The following SPATA6L variants were observed in gnomAD, a reference collection of about 807,000 sequenced individuals.
SPATA6L encodes spermatogenesis associated 6 like.
Under a neutral mutation model 49.2 loss-of-function variants are expected in SPATA6L, and 68 were observed. The ratio of observed to expected loss-of-function variants is 1.38; its 90% CI spans 1.14 to 1.69. The LOEUF (loss-of-function observed/expected upper bound fraction) is 1.69, where lower values mean the gene tolerates loss of function less well. SPATA6L is among the 40% of genes most tolerant of loss of function. The pLI is 0.00. For missense variants in SPATA6L, 668 were observed against 464.3 expected, an observed-to-expected ratio of 1.44 and a Z score of -4.03; for synonymous variants, 198 against 165.7, an observed-to-expected ratio of 1.19 and a Z score of -1.50.
rs1839931498 is a variant in SPATA6L, at chr9:4,662,124, TACAG to T, written c.40-92_40-89del. On this transcript the variant is annotated intron_variant, in intron 1 of 11. Coordinates refer to ENST00000682582, the MANE Select transcript of SPATA6L (RefSeq NM_001353486.2). This position sits in a 1 kb window ranked among gnomAD's most constrained non-coding sequence, Gnocchi z 4.9. ...CGGGGCTCTATTTCTCTTAAGCTCC[TACAG>T]ACACTGACATTTTCCCCATCACCTC... 6.5e-7 allele frequency: 1 copy of T among 1,527,384 alleles called. No homozygotes were observed. The highest frequency in any genetic ancestry group is 1.4e-5 in the African/African-American group (1 of 72,226). The allele number at this position is 1,527,384 out of a possible 1,614,324, so 94.6% of individuals were successfully genotyped here.
intron 7 of SPATA6L, 148 bp from the exon 8 acceptor site, chr9:4,619,046 A>G (rs903621594): frequency 1.3e-5 from 9 of 680,568 alleles, no homozygotes; most frequent in Non-Finnish European, 7.5e-6. Context: ...AAGTTACACT[A>G]TCACTTTTAA....
At chr9:4,614,371 T>C (rs917900265) in intron 9 of SPATA6L, among the ~76,000 whole-genome samples, 1 of 152,164 alleles carries the variant, frequency 6.6e-6, no homozygotes, top group Non-Finnish European at 1.5e-5. Context: ...GACTTCAGTA[T>C]TAAGTTAGCA....
At chr9:4,652,518 C>T (rs1039575228) in intron 3 of SPATA6L, among the ~76,000 whole-genome samples, 1 of 152,030 alleles carries the variant, frequency 6.6e-6, no homozygotes, top group South Asian at 2.1e-4. Context: ...CCAAAAAATG[C>T]AACACTTGTA....
In SPATA6L at chr9:4,606,784, G is replaced by C. The variant is rs369520046; in HGVS notation, c.996-1344C>G. 6.4e-4 allele frequency among the ~76,000 whole-genome samples: 94 copies of C among 147,366 alleles called. 5 individuals are homozygous for C. Among genetic ancestry groups the C allele is most frequent in the South Asian group, 3.0e-3 (14 of 4,632 alleles). Reference sequence around the variant, plus strand: ...AGTTCCTCACCAGCAATGGAACAAAGCTGGACGGAGAACGACTTCGACGAG... The same window carrying C: ...AGTTCCTCACCAGCAATGGAACAAACCTGGACGGAGAACGACTTCGACGAG... On this transcript the variant is annotated intron_variant, in intron 9 of 11. Transcript: ENST00000682582.
intron 3 of SPATA6L, among the ~76,000 whole-genome samples, chr9:4,645,686 T>C (rs1025528913): frequency 1.3e-5 from 2 of 152,192 alleles, no homozygotes; most frequent in African/African-American, 4.8e-5. Flanking sequence ...ATCTGATACA[T>C]GCTACAACAT....
intron 3 of SPATA6L, among the ~76,000 whole-genome samples, chr9:4,645,928 T>C (rs1463026574): frequency 6.6e-6 from 1 of 152,216 alleles, no homozygotes; most frequent in African/African-American, 2.4e-5. Context: ...TGTCCAATCT[T>C]ATGAACATAC....
At chr9:4,646,553 A>G (rs1011227190) in intron 3 of SPATA6L, 3 of 1,444,348 alleles carry the variant, frequency 2.1e-6, no homozygotes, top group Non-Finnish European at 1.8e-6. Context: ...ATGAGATTTT[A>G]ATACTTCCAA....
At chr9:4,589,252 T>C (rs1386493837) in intron 13 of SPATA6L, among the ~76,000 whole-genome samples, 1 of 152,222 alleles carries the variant, frequency 6.6e-6, no homozygotes, top group African/African-American at 2.4e-5. Flanking sequence ...TTACAGACTA[T>C]GTCTAACGAA....
At position 4,661,929 on chromosome 9, in the gene SPATA6L, A is replaced by G. The variant is rs1563739995; in HGVS notation, c.147T>C (p.Ile49=). 2 of 1,613,978 alleles carry G rather than the reference A, an allele frequency of 1.2e-6. No individual in the cohort carries two copies. Among genetic ancestry groups the G allele is most frequent in the South Asian group, 1.1e-5 (1 of 91,052 alleles). The part of the protein sequence containing the change: ...ETNSFPSAFP[I]MIQESMRFEK... ...CAAATCTCATGCTCTCCTGAATCATAATGGGGAACGCAGAGGGAAAGCTGT... is the reference window on the plus strand; with the variant it reads ...CAAATCTCATGCTCTCCTGAATCATGATGGGGAACGCAGAGGGAAAGCTGT... The change falls in exon 2 of 12, where the codon ATT becomes ATC. Residue 49 remains isoleucine, a synonymous_variant. Coordinates refer to ENST00000682582, the MANE Select transcript of SPATA6L (RefSeq NM_001353486.2).
chr9:4,635,330 G>C lies in SPATA6L; in HGVS notation c.296C>G (p.Pro99Arg). The C allele has an allele frequency of 6.3e-7, 1 of 1,590,340 alleles. No individual in the cohort carries two copies. Among genetic ancestry groups the C allele is most frequent in the Non-Finnish European group, 8.5e-7 (1 of 1,171,650 alleles). ...DFLFPEPKLT[P>R]SHPRRCREVL... The stretch of plus-strand genomic sequence containing the variant: ...CTCCCTACACCTCCTAGGGTGCGAA[G>C]GTGTCAGCTTGGGCTCTGGGAAAAG... Residue 99 changes from proline to arginine, a missense_variant, in exon 4 of 12, where the codon CCT (proline) becomes CGT (arginine). By Grantham distance (103) the Pro-to-Arg change is moderately radical. Transcript: ENST00000682582.
intron 1 of SPATA6L, chr9:4,664,796 AGAGT>A (rs1840619692): frequency 6.0e-6 from 1 of 167,126 alleles, no homozygotes; most frequent in Admixed American, 6.5e-5. Flanking sequence ...GAGCTTGTTC[AGAGT>A]GAGGGGCATA....
intron 6 of SPATA6L, among the ~76,000 whole-genome samples, chr9:4,622,934 C>T (rs1033056031): frequency 2.0e-5 from 3 of 151,984 alleles, no homozygotes; most frequent in Non-Finnish European, 4.4e-5. Flanking sequence ...GATGACATTT[C>T]TACTTTCCAC....
intron 9 of SPATA6L, among the ~76,000 whole-genome samples, chr9:4,613,706 C>A (rs897911029): frequency 6.6e-6 from 1 of 152,068 alleles, no homozygotes; most frequent in Admixed American, 6.5e-5. Flanking sequence ...GCCTCAACCT[C>A]CCAAGTAGCT....
intron 13 of SPATA6L, among the ~76,000 whole-genome samples, chr9:4,593,212 A>G (rs1822017818): frequency 1.3e-5 from 2 of 152,248 alleles, no homozygotes; most frequent in Admixed American, 6.5e-5. Flanking sequence ...GCATGACAGT[A>G]TCCAATCGTC....
chr9:4,604,290 G>T, intron 10 of SPATA6L, 21 bp from the exon 11 acceptor site: 1 of 1,501,714 alleles, frequency 6.7e-7, no homozygotes, highest in Non-Finnish European at 9.3e-7. Flanking sequence ...AACAAATCCA[G>T]CAATTATGTT....
intron 5 of SPATA6L, chr9:4,627,784 C>T: frequency 7.8e-7 from 1 of 1,289,376 alleles, no homozygotes; most frequent in Non-Finnish European, 1.0e-6. Context: ...ATCCGAGCAT[C>T]AGCCTCAGCA....
intron 4 of SPATA6L, among the ~76,000 whole-genome samples, chr9:4,630,582 C>T (rs541175729): frequency 6.6e-6 from 1 of 152,326 alleles, no homozygotes; most frequent in African/African-American, 2.4e-5. Context: ...CTCTCAATGT[C>T]TGATCTCACT....
chr9:4,623,858 C>G (rs879394603), intron 6 of SPATA6L, among the ~76,000 whole-genome samples: 1 of 152,218 alleles, frequency 6.6e-6, no homozygotes, highest in East Asian at 1.9e-4. Flanking sequence ...TAAATGAAGT[C>G]AATTCGATAT....
rs4742022 is a variant in SPATA6L at position 4,625,429 on chromosome 9, T to C, written c.567A>G (p.Gln189=). The C allele has an allele frequency of 0.073, 117,193 of 1,614,002 alleles. 6,684 individuals are homozygous for C. The highest frequency in any genetic ancestry group is 0.35 in the East Asian group (15,734 of 44,864). Residue 189 remains glutamine, a synonymous_variant, in exon 6 of 12, where the codon CAA becomes CAG. Coordinates refer to ENST00000682582, the MANE Select transcript of SPATA6L (RefSeq NM_001353486.2). ...CCTGGAAGAAATGCCTGGTAGAATATTGAGAGGGCGCCCGGGCTTGCATGC... is the reference window on the plus strand; with the variant it reads ...CCTGGAAGAAATGCCTGGTAGAATACTGAGAGGGCGCCCGGGCTTGCATGC... ...PKGMQARAPS[Q]YSTRHFFQDQ...
Sources: gnomAD v4.1 joint callset for allele counts (sites outside exome capture counted in the v4.1 genomes callset) on GRCh38, gnomAD v4.1.1 for gene constraint, Gnocchi (gnomAD v3.1) non-coding constraint, MANE v1.5 for transcripts, NCBI Gene and HGNC (gene_info 2026-07-23, HGNC 2026-07-21) for gene names.